The following BPTF variants were observed in gnomAD, a reference collection of about 807,000 sequenced individuals.
BPTF encodes the protein bromodomain PHD finger transcription factor.
Under a neutral mutation model 292.5 loss-of-function variants are expected in BPTF, and 18 were observed. The observed-to-expected ratio is 0.06, with a 90% CI of 0.04 to 0.09. BPTF has a LOEUF of 0.09. Ranked by LOEUF, BPTF falls within the 10% of genes least tolerant of loss-of-function variation. The pLI is 1.00. For missense variants in BPTF, 2,726 were observed against 3,498.7 expected, an observed-to-expected ratio of 0.78 and a Z score of 5.57; for synonymous variants, 1,225 against 1,251.9, an observed-to-expected ratio of 0.98 and a Z score of 0.45.
intron 4 of BPTF, among the ~76,000 whole-genome samples, chr17:67,883,740 A>G: frequency 6.6e-6 from 1 of 152,074 alleles, no homozygotes; most frequent in South Asian, 2.1e-4. Flanking sequence ...AGCTGGGATT[A>G]CAGGCGCCTG....
chr17:67,899,237 C>A (rs1270104865), intron 7 of BPTF, among the ~76,000 whole-genome samples: 1 of 152,134 alleles, frequency 6.6e-6, no homozygotes, highest in African/African-American at 2.4e-5. Context: ...GGAAAACAGT[C>A]CTCAAAAGAT....
intron 4 of BPTF, among the ~76,000 whole-genome samples, chr17:67,884,140 T>TTC (rs201512564): frequency 3.3e-4 from 24 of 72,850 alleles, no homozygotes; most frequent in African/African-American, 2.3e-3. Flanking sequence ...TTTTCTTTCT[T>TTC]TTTTTTTTTT....
At chr17:67,899,502 G>C (rs1013279423) in intron 7 of BPTF, among the ~76,000 whole-genome samples, 30 of 150,868 alleles carry the variant, frequency 2.0e-4, no homozygotes, top group African/African-American at 7.3e-4. Flanking sequence ...CTCTATGCAG[G>C]TAGTTTTATA....
chr17:67,936,577 G>A (rs2064935267), intron 18 of BPTF: 1 of 152,052 alleles, frequency 6.6e-6, no homozygotes, highest in Non-Finnish European at 1.5e-5. Flanking sequence ...TCTTCTCCAG[G>A]GTTTTGCCAC....
intron 26 of BPTF, among the ~76,000 whole-genome samples, chr17:67,967,930 A>C (rs1378100895): frequency 6.6e-6 from 1 of 151,502 alleles, no homozygotes; most frequent in Non-Finnish European, 1.5e-5. Context: ...GAATGAAATT[A>C]ATGAATGGGT....
intron 1 of BPTF, among the ~76,000 whole-genome samples, chr17:67,837,480 T>C (rs1269079840): frequency 6.6e-6 from 1 of 152,008 alleles, no homozygotes; most frequent in Admixed American, 6.6e-5. Context: ...TGATCTCAGC[T>C]CACTGCAACC....
intron 1 of BPTF, among the ~76,000 whole-genome samples, chr17:67,840,399 G>T (rs1220951095): frequency 1.3e-5 from 2 of 151,928 alleles, no homozygotes; most frequent in African/African-American, 4.8e-5. Context: ...GAGCTGCCAT[G>T]CCTGGCCAAG....
At chr17:67,970,587 T>A (rs888458569) in intron 26 of BPTF, among the ~76,000 whole-genome samples, 12 of 152,314 alleles carry the variant, frequency 7.9e-5, no homozygotes, top group Non-Finnish European at 1.2e-4. Context: ...TACCTAAATG[T>A]GTTTAGAAAT....
At chr17:67,951,348 AT>A (rs1367161885) in intron 23 of BPTF, 1 of 152,164 alleles carries the variant, frequency 6.6e-6, no homozygotes, top group Non-Finnish European at 1.5e-5. Context: ...GGTTTTAGGA[AT>A]TGTATGCTGG....
At chr17:67,939,239 T>C (rs970647099) in intron 18 of BPTF, among the ~76,000 whole-genome samples, 2 of 152,200 alleles carry the variant, frequency 1.3e-5, no homozygotes, top group Admixed American at 1.3e-4. Flanking sequence ...GTATTCTGAA[T>C]GTCAAAATAA....
chr17:67,973,603 G>A (rs979002188), intron 26 of BPTF, among the ~76,000 whole-genome samples: 2 of 151,972 alleles, frequency 1.3e-5, no homozygotes, highest in South Asian at 4.1e-4. Flanking sequence ...CACCTCCTGG[G>A]TTCAAGGGAT....
intron 3 of BPTF, among the ~76,000 whole-genome samples, chr17:67,869,899 G>GCCTGAGGCAAGAGAATGGCGTGAA (rs2059615488): frequency 6.7e-6 from 1 of 148,200 alleles, no homozygotes; most frequent in Admixed American, 6.8e-5. Flanking sequence ...CTACTCGGCA[G>GCCTGAGGCAAGAGAATGGCGTGAA]CCTGAGGCAA....
At chr17:67,866,825 A>G (rs540662825) in intron 3 of BPTF, 138 bp downstream of exon 3, 1 of 662,158 alleles carries the variant, frequency 1.5e-6, no homozygotes, top group South Asian at 2.0e-5. Context: ...TACATTCTGA[A>G]AAATGTGTCA....
At chr17:67,973,475 A>C (rs1254897878) in intron 26 of BPTF, among the ~76,000 whole-genome samples, 1 of 151,936 alleles carries the variant, frequency 6.6e-6, no homozygotes, top group Non-Finnish European at 1.5e-5. Flanking sequence ...TTTTTTTTCC[A>C]GATTTGTAGG....
intron 7 of BPTF, among the ~76,000 whole-genome samples, chr17:67,894,475 C>T (rs2061321351): frequency 6.6e-6 from 1 of 151,958 alleles, no homozygotes; most frequent in East Asian, 1.9e-4. Flanking sequence ...ATTACAGGCA[C>T]CCGCCACTGT....
At chr17:67,974,464 A>G (rs2069152706) in intron 26 of BPTF, 4 of 152,102 alleles carry the variant, frequency 2.6e-5, no homozygotes, top group Non-Finnish European at 4.4e-5. Context: ...CAATTCTGAC[A>G]CTATCTACCT....
intron 7 of BPTF, among the ~76,000 whole-genome samples, chr17:67,894,478 G>A (rs1422057408): frequency 2.0e-5 from 3 of 151,810 alleles, no homozygotes; most frequent in Non-Finnish European, 2.9e-5. Flanking sequence ...ACAGGCACCC[G>A]CCACTGTGCC....
chr17:67,895,311 T>C (rs1305651218), intron 7 of BPTF, among the ~76,000 whole-genome samples: 9 of 112,692 alleles, frequency 8.0e-5, no homozygotes, highest in African/African-American at 2.6e-4. Context: ...CCAGCCTGGG[T>C]GACAGAGCAA....
Position 67,940,534 on chromosome 17 carries a change from A to G in BPTF, c.6355A>G (p.Lys2119Glu), listed in dbSNP as rs782221399. Residue 2119 changes from lysine to glutamate, a missense_variant, in exon 19 of 28, where the codon AAA (lysine) becomes GAA (glutamate). This residue lies in a region of BPTF where 570 missense variants were observed against 633.5 expected (regional missense o/e 0.90). Transcript: ENST00000306378. ...CACGGTTTCCTCAACACCTGGGCAGAAAAGCTTAACTTCAGCAACGTCCAC... is the reference window on the plus strand; with the variant it reads ...CACGGTTTCCTCAACACCTGGGCAGGAAAGCTTAACTTCAGCAACGTCCAC... ...PNTVSSTPGQ[K>E]SLTSATSTSN... 2.5e-6 allele frequency: 4 copies of G among 1,614,024 alleles called. No individual in the cohort carries two copies. The East Asian group carries it at 6.7e-5, about 27-fold the overall frequency.
Sources: allele counts gnomAD v4.1 joint callset (sites outside exome capture counted in the v4.1 genomes callset), GRCh38; gene constraint gnomAD v4.1.1; regional missense constraint gnomAD v4.1.1; transcripts MANE v1.5; gene names NCBI Gene and HGNC (gene_info 2026-07-23, HGNC 2026-07-21).